The following PDIA3 variants were observed in gnomAD, a reference collection of about 807,000 sequenced individuals.
PDIA3 encodes protein disulfide-isomerase A3.
PDIA3 carries 16 observed loss-of-function variants against 56.9 expected under a neutral mutation model. The observed-to-expected ratio is 0.28, with a 90% CI of 0.19 to 0.43. The LOEUF (loss-of-function observed/expected upper bound fraction) is 0.43. PDIA3 is among the 20% of genes least tolerant of loss of function. PDIA3 has a pLI of 1.00. For missense variants in PDIA3, 485 were observed against 621.3 expected (o/e 0.78, Z 2.33); for synonymous variants, 192 against 216.5 (o/e 0.89, Z 0.99).
At chr15:43,756,792 A>T (rs199781078) in intron 3 of PDIA3, 26 bp downstream of exon 3, 5 of 1,210,844 alleles carry the variant, frequency 4.1e-6, no homozygotes, top group Non-Finnish European at 6.1e-6. Flanking sequence ...TACATTCTGG[A>T]AACTGATGTT....
At position 43,759,587 on chromosome 15, in the gene PDIA3, A is replaced by G. The variant is rs938725030; in HGVS notation, c.365-1837A>G. The stretch of plus-strand genomic sequence containing the variant: ...CCCAAAAGAAGATAGTTGTACACCT[A>G]TATCCACAGCAGCATTATTCATAGT... On this transcript the variant is annotated intron_variant, in intron 3 of 12. Coordinates refer to ENST00000300289, the MANE Select transcript of PDIA3 (RefSeq NM_005313.5). Among the ~76,000 whole-genome samples, 8 of 152,194 alleles carry G rather than the reference A, an allele frequency of 5.3e-5. No homozygotes were observed. The South Asian group carries it at 1.2e-3, about 24-fold the overall frequency.
Position 43,765,579 on chromosome 15 carries a change from T to C in PDIA3, c.719+13T>C. ...TCCAGGAAAACATGTGAGTACTTCTTTGTATCTTGTCTGGGATTTATTTGC... is the reference window on the plus strand; with the variant it reads ...TCCAGGAAAACATGTGAGTACTTCTCTGTATCTTGTCTGGGATTTATTTGC... On this transcript the variant is annotated intron_variant, in intron 6 of 12. Coordinates refer to ENST00000300289, the MANE Select transcript of PDIA3 (RefSeq NM_005313.5). 1 of 1,383,358 alleles carries C rather than the reference T, an allele frequency of 7.2e-7. No individual in the cohort carries two copies. Among genetic ancestry groups the C allele is most frequent in the Non-Finnish European group, 1.0e-6 (1 of 976,874 alleles). The allele number at this position is 1,383,358 out of a possible 1,614,324, so 85.7% of individuals were successfully genotyped here.
intron 4 of PDIA3, 152 bp downstream of exon 4, chr15:43,761,683 T>G: frequency 1.9e-6 from 1 of 529,390 alleles, no homozygotes; most frequent in Non-Finnish European, 3.4e-6. Context: ...ATTACTATAA[T>G]GTACTATATA....
At chr15:43,767,075 C>T (rs1015722088) in intron 8 of PDIA3, among the ~76,000 whole-genome samples, 165 bp downstream of exon 8, 6 of 152,192 alleles carry the variant, frequency 3.9e-5, no homozygotes, top group East Asian at 1.9e-4. Flanking sequence ...TTAGACCAGG[C>T]GTGGTGGCTC....
chr15:43,755,252 AG>A, intron 2 of PDIA3, among the ~76,000 whole-genome samples: 1 of 152,114 alleles, frequency 6.6e-6, no homozygotes. Context: ...GCTTGAACCC[AG>A]GGGGGCGGAG....
intron 1 of PDIA3, among the ~76,000 whole-genome samples, chr15:43,749,157 G>T (rs2086727427): frequency 6.8e-6 from 1 of 147,892 alleles, no homozygotes; most frequent in Non-Finnish European, 1.5e-5. Flanking sequence ...GCAGTGGCAT[G>T]GTCTGGGCTC....
chr15:43,763,739 T>C (rs1162545840), intron 5 of PDIA3, among the ~76,000 whole-genome samples: 4 of 151,988 alleles, frequency 2.6e-5, no homozygotes, highest in African/African-American at 9.7e-5. Flanking sequence ...TATGGAGTGG[T>C]TGGAAGTACA....
chr15:43,753,946 A>G, intron 2 of PDIA3, 44 bp downstream of exon 2: 1 of 1,357,864 alleles, frequency 7.4e-7, no homozygotes, highest in Non-Finnish European at 1.1e-6. Context: ...GAAGTATTTT[A>G]AAAAGTAGTT....
At position 43,756,650 on chromosome 15, in the gene PDIA3, T is replaced by C; in HGVS notation, c.248T>C (p.Val83Ala). The C allele has an allele frequency of 6.5e-7, 1 of 1,549,046 alleles. No homozygotes were observed. Among genetic ancestry groups the C allele is most frequent in the Non-Finnish European group, 8.9e-7 (1 of 1,122,778 alleles). ...RLKGIVPLAKVDCTANTNTCN... is the reference protein window; with the variant it reads ...RLKGIVPLAKADCTANTNTCN... ...TAGTTTGTGTATTTTGATCTTTAGG[T>C]TGATTGCACTGCCAACACTAACACC... The change falls in exon 3 of 13, where the codon GTT becomes GCT. Residue 83 changes from valine (V) to alanine (A), a missense_variant and splice_region_variant. Coordinates refer to ENST00000300289, the MANE Select transcript of PDIA3 (RefSeq NM_005313.5).
chr15:43,752,806 C>T (rs745881751), intron 1 of PDIA3: 1 of 471,096 alleles, frequency 2.1e-6, no homozygotes, highest in Non-Finnish European at 4.4e-6. Context: ...GGGAAGGTTA[C>T]AGAACTCACC....
At chr15:43,746,758 C>T (rs746414887) in intron 1 of PDIA3, 52 bp downstream of exon 1, 1 of 1,593,336 alleles carries the variant, frequency 6.3e-7, no homozygotes, top group South Asian at 1.1e-5. Flanking sequence ...GGGCCGGGGG[C>T]GAGAGCGCGG....
rs1041762588 is a variant in PDIA3 at position 43,769,711 on chromosome 15, A to G, written c.1266+65A>G. 6.5e-6 allele frequency: 10 copies of G among 1,541,748 alleles called. No individual in the cohort carries two copies. In the Admixed American group the frequency reaches 1.1e-4, roughly 18 times the overall value. On this transcript the variant is annotated intron_variant, in intron 10 of 12. Transcript: ENST00000300289. ...GAGCAGTAAGTTTATGTATGTATTC[A>G]GCATTGGCTAATTTGGTTGGTTCCT...
At chr15:43,760,679 G>A (rs1422661366) in intron 3 of PDIA3, among the ~76,000 whole-genome samples, 2 of 151,150 alleles carry the variant, frequency 1.3e-5, no homozygotes, top group East Asian at 2.1e-4. Flanking sequence ...ACAGGCGCCC[G>A]CCACCATGCC....
Position 43,766,708 on chromosome 15 carries a change from A to G in PDIA3, c.846-20A>G, listed in dbSNP as rs2086849612. 2 of 1,611,252 alleles carry G rather than the reference A, an allele frequency of 1.2e-6. No individual in the cohort carries two copies. Among genetic ancestry groups the G allele is most frequent in the South Asian group, 2.2e-5 (2 of 90,852 alleles). On this transcript the variant is annotated intron_variant, in intron 7 of 12. Transcript: ENST00000300289. ...ACCACCCTGTATAGTCTTGGCACAA[A>G]TGTCTCTTGTTTCCCACAGGGTAAT...
At chr15:43,754,775 G>A (rs1259656507) in intron 2 of PDIA3, among the ~76,000 whole-genome samples, 2 of 151,358 alleles carry the variant, frequency 1.3e-5, no homozygotes, top group African/African-American at 4.9e-5. Context: ...GATCACTTGA[G>A]ACCAGCCTGG....
Position 43,765,434 on chromosome 15 carries a change from C to CTTT in PDIA3, c.603-6_603-4dup. The CTTT allele has an allele frequency of 3.8e-5, 45 of 1,185,154 alleles. No individual in the cohort carries two copies. Among genetic ancestry groups the CTTT allele is most frequent in the Middle Eastern group, 2.1e-4 (1 of 4,816 alleles). The allele number at this position is 1,185,154 out of a possible 1,614,324, so 73.4% of individuals were successfully genotyped here. A position where few individuals can be genotyped will look rare whatever the true frequency, so the allele number is the denominator to read the frequency against. ...CTGCTATCTGCCTACTGAGACTTTT[C>CTTT]TTTTTTTTTTTTAAGGGGTATCATC... On this transcript the variant is annotated splice_polypyrimidine_tract_variant and intron_variant, in intron 5 of 12. Transcript: ENST00000300289.
Position 43,771,268 on chromosome 15 carries a change from G to A in PDIA3, c.*50G>A, listed in dbSNP as rs748230906. The A allele has an allele frequency of 1.1e-5, 13 of 1,198,436 alleles. No individual in the cohort carries two copies. The African/African-American group carries it at 1.7e-4, about 15-fold the overall frequency. The allele number at this position is 1,198,436 out of a possible 1,614,324, so 74.2% of individuals were successfully genotyped here. A position where few individuals can be genotyped will look rare whatever the true frequency, so the allele number is the denominator to read the frequency against. On this transcript the variant is annotated 3_prime_UTR_variant, in exon 13 of 13. Transcript: ENST00000300289. Reference sequence around the variant, plus strand: ...AAAAGGACTCTTCCATCAGAGATGGGAAAACCATTGGGGAGGACTAGGACC... The same window carrying A: ...AAAAGGACTCTTCCATCAGAGATGGAAAAACCATTGGGGAGGACTAGGACC...
chr15:43,757,100 C>T (rs2086782994), intron 3 of PDIA3, among the ~76,000 whole-genome samples: 1 of 152,164 alleles, frequency 6.6e-6, no homozygotes, highest in Non-Finnish European at 1.5e-5. Context: ...GTGAAGCTTA[C>T]ATTCTGGGGG....
intron 1 of PDIA3, among the ~76,000 whole-genome samples, chr15:43,748,259 C>A (rs1353324275): frequency 6.6e-6 from 1 of 151,876 alleles, no homozygotes; most frequent in Non-Finnish European, 1.5e-5. Flanking sequence ...AGGCGGATCA[C>A]CTGAGGTCGG....
Sources: allele counts gnomAD v4.1 joint callset (sites outside exome capture counted in the v4.1 genomes callset), GRCh38; gene constraint gnomAD v4.1.1; transcripts MANE v1.5; gene names NCBI Gene and HGNC (gene_info 2026-07-23, HGNC 2026-07-21).